MSH3: variants seen among roughly 807,000 people sequenced by gnomAD.
MSH3 encodes DNA mismatch repair protein Msh3.
In MSH3, 106 loss-of-function variants were observed where a neutral mutation model predicts 123.3. The ratio of observed to expected loss-of-function variants is 0.86; its 90% CI spans 0.73 to 1.01. The LOEUF (loss-of-function observed/expected upper bound fraction) is 1.01. MSH3 is among the 50% of genes least tolerant of loss of function. MSH3 has a pLI of 0.00. For synonymous variants in MSH3, 515 were observed against 481.4 expected, an observed-to-expected ratio of 1.07 and a Z score of -0.91; for missense variants, 1,459 against 1,347.6, an observed-to-expected ratio of 1.08 and a Z score of -1.29.
intron 10 of MSH3, among the ~76,000 whole-genome samples, chr5:80,740,397 ACCCGGGCTGGAGTGCAGTGG>A (rs1743590611): frequency 3.4e-5 from 5 of 145,700 alleles, no homozygotes; most frequent in African/African-American, 1.3e-4. Flanking sequence ...ACACTCTGTC[ACCCGGGCTGGAGTGCAGTGG>A]CACAATCTTG....
chr5:80,713,210 G>A (rs1561452625), intron 8 of MSH3, among the ~76,000 whole-genome samples: 2 of 152,156 alleles, frequency 1.3e-5, no homozygotes, highest in Non-Finnish European at 2.9e-5. Flanking sequence ...GTTATTTGAT[G>A]CCAGAGAGTC....
chr5:80,790,312 C>A (rs1744586531), intron 18 of MSH3, among the ~76,000 whole-genome samples: 2 of 152,208 alleles, frequency 1.3e-5, no homozygotes, highest in South Asian at 4.1e-4. Flanking sequence ...GCCTATTGAA[C>A]CTAATTTCAG....
chr5:80,729,430 A>AAATGTGTGTG (rs1491210653), intron 10 of MSH3, among the ~76,000 whole-genome samples: 7 of 78,372 alleles, frequency 8.9e-5, no homozygotes, highest in African/African-American at 3.9e-4. Context: ...AAAAAAAAAA[A>AAATGTGTGTG]TGTGTGTGTG....
At chr5:80,669,022 A>G (rs555221655) in intron 3 of MSH3, among the ~76,000 whole-genome samples, 14 of 152,360 alleles carry the variant, frequency 9.2e-5, no homozygotes, top group African/African-American at 2.4e-4. Flanking sequence ...CATTGCCATC[A>G]TAATGACCTG....
At chr5:80,726,653 G>C (rs982611296) in intron 9 of MSH3, among the ~76,000 whole-genome samples, 15 of 152,056 alleles carry the variant, frequency 9.9e-5, no homozygotes, top group African/African-American at 3.6e-4. Flanking sequence ...TTTTTTTGTA[G>C]AGGTGGGGTT....
intron 8 of MSH3, 105 bp from the exon 9 acceptor site, chr5:80,725,348 G>A (rs1422630599): frequency 5.2e-6 from 4 of 762,832 alleles, no homozygotes; most frequent in Non-Finnish European, 9.0e-6. Context: ...AAAGAATAAG[G>A]AATAAATCTT....
At chr5:80,750,849 A>T (rs1743821838) in intron 12 of MSH3, among the ~76,000 whole-genome samples, 1 of 152,154 alleles carries the variant, frequency 6.6e-6, no homozygotes, top group Admixed American at 6.5e-5. Context: ...TCTACGTAGA[A>T]TATTCTTCTG....
In MSH3 at chr5:80,823,344, T is replaced by TG. The variant is rs1745234131; in HGVS notation, c.2813+9605dup. On this transcript the variant is annotated intron_variant, in intron 20 of 23. Transcript: ENST00000265081. ...ATAGGAATCTGGTGAAATGCTTACATGGTCACTGTCTGACAACTCTTTTTT... is the reference window on the plus strand; with the variant it reads ...ATAGGAATCTGGTGAAATGCTTACATGGGTCACTGTCTGACAACTCTTTTTT... 2.0e-5 allele frequency among the ~76,000 whole-genome samples: 3 copies of TG among 152,338 alleles called. No homozygotes were observed. In the South Asian group the frequency reaches 6.2e-4, roughly 32 times the overall value.
intron 8 of MSH3, among the ~76,000 whole-genome samples, chr5:80,686,230 T>G (rs1453633854): frequency 6.6e-6 from 1 of 152,206 alleles, no homozygotes. Context: ...CTGACGTTTC[T>G]TTATTGATTT....
chr5:80,862,091 G>C (rs1271174424), intron 21 of MSH3, among the ~76,000 whole-genome samples: 1 of 152,068 alleles, frequency 6.6e-6, no homozygotes, highest in Non-Finnish European at 1.5e-5. Flanking sequence ...GAGGTCATGT[G>C]TTGCTGCTGC....
chr5:80,831,872 GC>G (rs1364813527), intron 20 of MSH3, among the ~76,000 whole-genome samples: 32 of 152,084 alleles, frequency 2.1e-4, no homozygotes, highest in Admixed American at 1.6e-3. Flanking sequence ...ACTTTGGGAG[GC>G]CGAGGCGGGT....
intron 12 of MSH3, among the ~76,000 whole-genome samples, chr5:80,751,797 C>A (rs1481511590): frequency 2.6e-5 from 4 of 152,074 alleles, no homozygotes; most frequent in African/African-American, 7.2e-5. Flanking sequence ...TTCAGCATAT[C>A]TTTTTAGGGG....
At chr5:80,724,234 A>G (rs4704680) in intron 8 of MSH3, among the ~76,000 whole-genome samples, 11,499 of 152,306 alleles carry the variant, frequency 0.075, 835 homozygotes, top group East Asian at 0.33. Flanking sequence ...TGTGGCATCT[A>G]TATACTATGA....
intron 20 of MSH3, among the ~76,000 whole-genome samples, chr5:80,843,479 G>A (rs1580084797): frequency 1.3e-5 from 2 of 152,186 alleles, no homozygotes; most frequent in Admixed American, 1.3e-4. Flanking sequence ...AGAAGGAATG[G>A]TACCAGCTCC....
At chr5:80,760,472 A>G (rs1056618088) in intron 12 of MSH3, among the ~76,000 whole-genome samples, 1 of 152,162 alleles carries the variant, frequency 6.6e-6, no homozygotes, top group Non-Finnish European at 1.5e-5. Flanking sequence ...TCTGAATGTC[A>G]TATCCTCTGC....
intron 12 of MSH3, 45 bp from the exon 13 acceptor site, chr5:80,761,501 G>C (rs753178774): frequency 6.2e-7 from 1 of 1,611,302 alleles, no homozygotes; most frequent in East Asian, 2.2e-5. Flanking sequence ...TCTATATTCT[G>C]AATTCCTAAC....
chr5:80,683,397 C>T (rs1307571539), intron 8 of MSH3, among the ~76,000 whole-genome samples: 1 of 152,042 alleles, frequency 6.6e-6, no homozygotes, highest in Non-Finnish European at 1.5e-5. Flanking sequence ...GGATAAAAGC[C>T]ATTTTAACTG....
chr5:80,666,067 T>G (rs1749561511), intron 3 of MSH3, among the ~76,000 whole-genome samples: 2 of 152,230 alleles, frequency 1.3e-5, no homozygotes, highest in Non-Finnish European at 2.9e-5. Context: ...TTATTTTGTA[T>G]TTTATTTTTA....
rs761734241 is a variant in MSH3 at position 80,654,922 on chromosome 5, G to C, written c.195G>C (p.Ala65=). 24 of 1,531,962 alleles carry C rather than the reference G, an allele frequency of 1.6e-5. No homozygotes were observed. Among genetic ancestry groups the C allele is most frequent in the Non-Finnish European group, 2.1e-5 (24 of 1,144,256 alleles). 94.9% of individuals were successfully genotyped at this position (1,531,962 alleles called of 1,614,324 possible). A position where few individuals can be genotyped will look rare whatever the true frequency, so the allele number is the denominator to read the frequency against. The change falls in exon 1 of 24, where the codon GCG becomes GCC. Residue 65 remains alanine (A), a synonymous_variant. Transcript: ENST00000265081. ...CCGCAGCGGCCGCAGCGCCCCCAGC[G>C]CCCCCAGCTCCCGCCTTCCCGCCCC... is the stretch of plus-strand genomic sequence containing the variant. ...AAAAAAAAPP[A]PPAPAFPPQL...
Sources: gnomAD v4.1 joint callset for allele counts (sites outside exome capture counted in the v4.1 genomes callset) on GRCh38, gnomAD v4.1.1 for gene constraint, MANE v1.5 for transcripts, NCBI Gene and HGNC (gene_info 2026-07-23, HGNC 2026-07-21) for gene names.